The following TULP3 variants were observed in gnomAD, a reference collection of about 807,000 sequenced individuals.
TULP3 encodes the protein TUB like protein 3, also known as tubby-related protein 3.
In TULP3, 38 loss-of-function variants were observed where a neutral mutation model predicts 50.7. The observed-to-expected ratio is 0.75, with a 90% CI of 0.58 to 0.98. The LOEUF (loss-of-function observed/expected upper bound fraction) is 0.98. TULP3 is among the 50% of genes least tolerant of loss of function. The pLI, the probability that TULP3 is intolerant of heterozygous loss-of-function variation, is 0.00. For synonymous variants in TULP3, 183 were observed against 196.6 expected, an observed-to-expected ratio of 0.93 and a Z score of 0.58; for missense variants, 550 against 568.0, an observed-to-expected ratio of 0.97 and a Z score of 0.32.
chr12:2,918,887 G>T (rs992717612), intron 2 of TULP3, among the ~76,000 whole-genome samples: 2 of 150,928 alleles, frequency 1.3e-5, no homozygotes, highest in Admixed American at 6.6e-5. Context: ...GTTGCTAGAA[G>T]AATTTTTTTT....
chr12:2,932,925 G>A (rs112128384), intron 6 of TULP3, among the ~76,000 whole-genome samples: 1 of 151,726 alleles, frequency 6.6e-6, no homozygotes, highest in African/African-American at 2.4e-5. Flanking sequence ...AACCCTGATA[G>A]TGAATTATTT....
chr12:2,924,725 A>G lies in TULP3; in HGVS notation c.394+2323A>G, dbSNP rs2098193711. 2.0e-5 allele frequency among the ~76,000 whole-genome samples: 3 copies of G among 151,622 alleles called. No individual in the cohort carries two copies. In the South Asian group the frequency reaches 6.2e-4, roughly 32 times the overall value. ...AAAATTGGGTTGGGTGGAGTGGCTC[A>G]TGCCTATAACCCCAGCACTTTGGGA... On this transcript the variant is annotated intron_variant, in intron 4 of 10. Coordinates refer to ENST00000448120, the MANE Select transcript of TULP3 (RefSeq NM_003324.5).
At chr12:2,929,461 G>A (rs764933544) in intron 4 of TULP3, among the ~76,000 whole-genome samples, 3 of 152,158 alleles carry the variant, frequency 2.0e-5, no homozygotes, top group Non-Finnish European at 2.9e-5. Flanking sequence ...AGGTACCATC[G>A]TGACCAGCTA....
At chr12:2,909,462 T>A (rs992120309) in intron 1 of TULP3, 67 bp from the exon 2 acceptor site, 14 of 1,478,638 alleles carry the variant, frequency 9.5e-6, no homozygotes, top group Non-Finnish European at 1.2e-5. Context: ...AGTACATACA[T>A]AAAAAGATGA....
At chr12:2,933,699 C>T (rs2098199555) in intron 7 of TULP3, among the ~76,000 whole-genome samples, 169 bp downstream of exon 7, 2 of 151,980 alleles carry the variant, frequency 1.3e-5, no homozygotes, top group African/African-American at 4.8e-5. Context: ...ACCTGTAATC[C>T]CAGCACTTTG....
intron 2 of TULP3, among the ~76,000 whole-genome samples, chr12:2,914,903 G>A (rs891088236): frequency 6.6e-5 from 10 of 152,256 alleles, no homozygotes; most frequent in Admixed American, 2.6e-4. Flanking sequence ...AAAGTGCTGG[G>A]ATTACAGGTG....
At chr12:2,905,695 C>T (rs2098181791) in intron 1 of TULP3, among the ~76,000 whole-genome samples, 1 of 123,038 alleles carries the variant, frequency 8.1e-6, no homozygotes, top group Non-Finnish European at 1.7e-5. Context: ...GTTCAGCTTG[C>T]CCAGGCTTGA....
chr12:2,917,855 T>C (rs1166027030), intron 2 of TULP3, among the ~76,000 whole-genome samples: 3 of 150,580 alleles, frequency 2.0e-5, no homozygotes. Context: ...CCAGCCTGTG[T>C]GACAGTGCAA....
At chr12:2,927,570 A>G (rs922150838) in intron 4 of TULP3, among the ~76,000 whole-genome samples, 2 of 151,704 alleles carry the variant, frequency 1.3e-5, no homozygotes, top group African/African-American at 4.8e-5. Context: ...GGCCAGGCTG[A>G]TCTCGAATTT....
intron 1 of TULP3, among the ~76,000 whole-genome samples, chr12:2,905,885 C>G (rs1387236996): frequency 6.6e-6 from 1 of 151,702 alleles, no homozygotes; most frequent in Non-Finnish European, 1.5e-5. Flanking sequence ...GTCATCACAC[C>G]TTTGGTTTAG....
At chr12:2,927,504 C>A (rs952500996) in intron 4 of TULP3, among the ~76,000 whole-genome samples, 4 of 151,360 alleles carry the variant, frequency 2.6e-5, no homozygotes, top group Non-Finnish European at 5.9e-5. Context: ...GTAGCTGGGA[C>A]TACAGGTGCC....
At chr12:2,917,143 T>C (rs1009458264) in intron 2 of TULP3, among the ~76,000 whole-genome samples, 2 of 152,204 alleles carry the variant, frequency 1.3e-5, no homozygotes, top group Non-Finnish European at 2.9e-5. Flanking sequence ...CTCTACTCTT[T>C]CAGTGTGTAT....
chr12:2,901,312 C>CTT (rs371069831), intron 1 of TULP3, among the ~76,000 whole-genome samples: 2,202 of 104,038 alleles, frequency 0.021, 46 homozygotes, highest in East Asian at 0.047. Context: ...TTCTTTCTTT[C>CTT]TTTTTTTTTT....
At chr12:2,892,873 A>ATT (rs55689820) in intron 1 of TULP3, among the ~76,000 whole-genome samples, 6,869 of 137,410 alleles carry the variant, frequency 0.05, 576 homozygotes, top group African/African-American at 0.17. Flanking sequence ...TTTAATTTTA[A>ATT]TTTTTTTTTT....
chr12:2,931,282 G>C (rs755824894), intron 6 of TULP3, 42 bp downstream of exon 6: 1 of 1,592,356 alleles, frequency 6.3e-7, no homozygotes, highest in African/African-American at 1.3e-5. Flanking sequence ...AGAGAGAGAA[G>C]AATGTTGTGG....
intron 1 of TULP3, among the ~76,000 whole-genome samples, chr12:2,902,491 G>C (rs182550325): frequency 6.6e-6 from 1 of 152,188 alleles, no homozygotes; most frequent in African/African-American, 2.4e-5. Flanking sequence ...GCTGATTACA[G>C]CATCCTTATC....
At chr12:2,898,995 A>G (rs543923780) in intron 1 of TULP3, among the ~76,000 whole-genome samples, 6 of 152,300 alleles carry the variant, frequency 3.9e-5, no homozygotes, top group African/African-American at 1.4e-4. Flanking sequence ...TGAATTTAAT[A>G]TAATTTTTAC....
rs2098204334 is a variant in TULP3, at chr12:2,940,764, T to A, written c.*1320T>A. Reference sequence around the variant, plus strand: ...TGGCAGCTGCGGGACCCTTGGCTTGTCCCCCACCGACAAGTCCCACCTGCT... The same window carrying A: ...TGGCAGCTGCGGGACCCTTGGCTTGACCCCCACCGACAAGTCCCACCTGCT... On this transcript the variant is annotated 3_prime_UTR_variant, in exon 11 of 11. Transcript: ENST00000448120. The A allele has an allele frequency of 6.6e-7, 1 of 1,512,732 alleles. No individual in the cohort carries two copies. Among genetic ancestry groups the A allele is most frequent in the East Asian group, 2.5e-5 (1 of 40,456 alleles). The allele number at this position is 1,512,732 out of a possible 1,614,324, so 93.7% of individuals were successfully genotyped here.
At chr12:2,904,444 C>T (rs1189885804) in intron 1 of TULP3, among the ~76,000 whole-genome samples, 1 of 151,918 alleles carries the variant, frequency 6.6e-6, no homozygotes, top group East Asian at 2.0e-4. Flanking sequence ...CTCAAGCACT[C>T]CTCCTACCTC....
Sources: gnomAD v4.1 joint callset for allele counts (sites outside exome capture counted in the v4.1 genomes callset) on GRCh38, gnomAD v4.1.1 for gene constraint, MANE v1.5 for transcripts, NCBI Gene and HGNC (gene_info 2026-07-23, HGNC 2026-07-21) for gene names.